The following MRC1 variants were observed in gnomAD, a reference collection of about 807,000 sequenced individuals.
MRC1 encodes the protein mannose receptor C-type 1.
Under a neutral mutation model 102.9 loss-of-function variants are expected in MRC1, and 62 were observed. That is an observed-to-expected ratio of 0.60 (90% CI 0.49 to 0.74). The LOEUF is 0.74. Among genes scored for constraint, MRC1 ranks in the 30% least tolerant of loss-of-function variants. The probability of loss-of-function intolerance (pLI) is 0.00; values close to 1 mark genes in which losing one functional copy is unlikely to be tolerated. For missense variants in MRC1, 1,237 were observed against 862.8 expected (o/e 1.43, Z -5.43); for synonymous variants, 457 against 298.4 (o/e 1.53, Z -5.48).
At chr10:17,836,138 G>A (rs901728151) in intron 4 of MRC1, among the ~76,000 whole-genome samples, 9 of 152,190 alleles carry the variant, frequency 5.9e-5, no homozygotes, top group Admixed American at 2.6e-4. Context: ...AAGGGCAAGA[G>A]CACACTCCCT....
chr10:17,894,405 T>TCTTTTTTTTTTTC (rs1220870275), intron 23 of MRC1, 93 bp downstream of exon 23: 24 of 680,502 alleles, frequency 3.5e-5, no homozygotes, highest in Non-Finnish European at 4.1e-5. Flanking sequence ...TTTTTTTTTT[T>TCTTTTTTTTTTTC]TTTTTTTTTT....
At chr10:17,864,489 T>C (rs1833232403) in intron 11 of MRC1, among the ~76,000 whole-genome samples, 1 of 152,134 alleles carries the variant, frequency 6.6e-6, no homozygotes, top group Non-Finnish European at 1.5e-5. Flanking sequence ...GGATTTTATT[T>C]TGTCATCATA....
At chr10:17,836,110 ATG>A (rs1838658463) in intron 4 of MRC1, among the ~76,000 whole-genome samples, 1 of 152,148 alleles carries the variant, frequency 6.6e-6, no homozygotes, top group South Asian at 2.1e-4. Context: ...AAAAGAGCTA[ATG>A]TGTGTGAGCC....
chr10:17,875,321 G>C (rs1833415131), intron 17 of MRC1, 68 bp downstream of exon 17: 3 of 770,302 alleles, frequency 3.9e-6, no homozygotes, highest in Non-Finnish European at 7.2e-6. Context: ...TGGTTGTATG[G>C]AAAAGTTCTT....
At chr10:17,887,288 G>T (rs1408902131) in intron 22 of MRC1, among the ~76,000 whole-genome samples, 3 of 152,198 alleles carry the variant, frequency 2.0e-5, no homozygotes, top group African/African-American at 7.2e-5. Flanking sequence ...CTGCTCCGGA[G>T]GCTGAGGGAG....
At chr10:17,894,394 C>CTTTTTTTTTTTTTTTTTT (rs34625338) in intron 23 of MRC1, 82 bp downstream of exon 23, 13 of 406,282 alleles carry the variant, frequency 3.2e-5, no homozygotes, top group Non-Finnish European at 3.8e-5. Flanking sequence ...TTCTTTCTTT[C>CTTTTTTTTTTTTTTTTTT]TTTTTTTTTT....
At position 17,906,981 on chromosome 10, in the gene MRC1, T is replaced by C; in HGVS notation, c.3895T>C (p.Leu1299=). The stretch of plus-strand genomic sequence containing the variant: ...AAGTAAAACCAATTTTTGGATAGGA[T>C]TGTTCAGAAATGTTGAAGGTAATTT... The part of the protein sequence containing the change: ...LKSKTNFWIG[L]FRNVEGTWLW... The change falls in exon 27 of 30, where the codon TTG becomes CTG. Residue 1299 remains leucine, a synonymous_variant. Coordinates refer to ENST00000569591, the MANE Select transcript of MRC1 (RefSeq NM_002438.4). 1.3e-6 allele frequency: 1 copy of C among 787,392 alleles called. No homozygotes were observed. Among genetic ancestry groups the C allele is most frequent in the Admixed American group, 1.7e-5 (1 of 59,042 alleles). 48.8% of individuals were successfully genotyped at this position (787,392 alleles called of 1,614,324 possible). A position where few individuals can be genotyped will look rare whatever the true frequency, so the allele number is the denominator to read the frequency against.
At chr10:17,891,159 A>G (rs934539780) in intron 22 of MRC1, among the ~76,000 whole-genome samples, 3 of 148,426 alleles carry the variant, frequency 2.0e-5, no homozygotes, top group Admixed American at 6.8e-5. Context: ...TTATTTATTT[A>G]TTTATTTATT....
At chr10:17,905,621 A>G (rs1833884797) in intron 26 of MRC1, among the ~76,000 whole-genome samples, 1 of 151,630 alleles carries the variant, frequency 6.6e-6, no homozygotes, top group African/African-American at 2.4e-5. Flanking sequence ...CATTCTCAAA[A>G]TATGAGTCAT....
chr10:17,848,899 T>C (rs1589176534), intron 6 of MRC1, among the ~76,000 whole-genome samples: 1 of 152,160 alleles, frequency 6.6e-6, no homozygotes, highest in East Asian at 1.9e-4. Context: ...AGACCGTTTG[T>C]CCCCCAGCCA....
chr10:17,849,773 C>T lies in MRC1; in HGVS notation c.1249+9C>T, dbSNP rs988194208. 8 of 779,382 alleles carry T rather than the reference C, an allele frequency of 1.0e-5. No homozygotes were observed. Among genetic ancestry groups the T allele is most frequent in the African/African-American group, 1.7e-5 (1 of 59,238 alleles). The allele number at this position is 779,382 out of a possible 1,614,324, so 48.3% of individuals were successfully genotyped here. On this transcript the variant is annotated intron_variant, in intron 7 of 29. Transcript: ENST00000569591. ...CTCCCAGCTAGGATATGGTGAGAAA[C>T]TTGACAGTGATAATATACTTGGCTT...
chr10:17,827,719 A>C lies in MRC1; in HGVS notation c.637+4A>C, dbSNP rs972916260. The C allele has an allele frequency of 1.3e-6, 1 of 780,772 alleles. No individual in the cohort carries two copies. Among genetic ancestry groups the C allele is most frequent in the Admixed American group, 1.7e-5 (1 of 59,010 alleles). The allele number at this position is 780,772 out of a possible 1,614,324, so 48.4% of individuals were successfully genotyped here. On this transcript the variant is annotated splice_donor_region_variant and intron_variant, in intron 3 of 29. Coordinates refer to ENST00000569591, the MANE Select transcript of MRC1 (RefSeq NM_002438.4). ...TTTGGATATTGTCCATTGAAATGTAAGTACTGTTTATCACCAAGAAAAGTT... is the reference window on the plus strand; with the variant it reads ...TTTGGATATTGTCCATTGAAATGTACGTACTGTTTATCACCAAGAAAAGTT...
At chr10:17,810,377 C>G (rs1163106593) in intron 1 of MRC1, among the ~76,000 whole-genome samples, 2 of 152,108 alleles carry the variant, frequency 1.3e-5, no homozygotes, top group Non-Finnish European at 2.9e-5. Flanking sequence ...CAAACACTTG[C>G]AGAGAATGGT....
At chr10:17,835,054 C>A (rs1362563506) in intron 4 of MRC1, among the ~76,000 whole-genome samples, 1 of 152,224 alleles carries the variant, frequency 6.6e-6, no homozygotes, top group Non-Finnish European at 1.5e-5. Context: ...TGCTGAACAT[C>A]TGTACTATTC....
In MRC1 at chr10:17,891,999, G is replaced by C. The variant is rs1833684398; in HGVS notation, c.3148-2211G>C. ...TTTTGTTTTGTTGCTTTTTCATTTT[G>C]GGTGAGACAGGAAAGCTAGAGAGGC... On this transcript the variant is annotated intron_variant, in intron 22 of 29. Transcript: ENST00000569591. Among the ~76,000 whole-genome samples the C allele has an allele frequency of 3.3e-5, 5 of 152,222 alleles. No homozygotes were observed. In the South Asian group the frequency reaches 1.0e-3, roughly 32 times the overall value.
intron 1 of MRC1, among the ~76,000 whole-genome samples, chr10:17,822,333 C>T (rs1838407960): frequency 6.6e-6 from 1 of 152,152 alleles, no homozygotes; most frequent in South Asian, 2.1e-4. Flanking sequence ...ACTACAAAAT[C>T]CTATTCTAGT....
At chr10:17,893,940 G>A (rs1163475906) in intron 22 of MRC1, among the ~76,000 whole-genome samples, 3 of 152,114 alleles carry the variant, frequency 2.0e-5, no homozygotes, top group East Asian at 1.9e-4. Context: ...TGGATAAAAG[G>A]TCTGATAGCA....
At chr10:17,864,951 G>C (rs1031480484) in intron 11 of MRC1, among the ~76,000 whole-genome samples, 2 of 150,956 alleles carry the variant, frequency 1.3e-5, no homozygotes, top group African/African-American at 2.4e-5. Context: ...ACTTACACTC[G>C]CACCACCCTG....
At chr10:17,866,875 A>G in intron 12 of MRC1, 114 bp downstream of exon 12, 2 of 733,892 alleles carry the variant, frequency 2.7e-6, no homozygotes, top group South Asian at 2.9e-5. Context: ...AGACTCTACC[A>G]TAGGTATTTA....
Sources: gnomAD v4.1 joint callset for allele counts (sites outside exome capture counted in the v4.1 genomes callset) on GRCh38, gnomAD v4.1.1 for gene constraint, MANE v1.5 for transcripts, NCBI Gene and HGNC (gene_info 2026-07-23, HGNC 2026-07-21) for gene names.